The following EPB41L1 variants were observed in gnomAD, a reference collection of about 807,000 sequenced individuals.
EPB41L1 encodes erythrocyte membrane protein band 4.1 like 1, also known as band 4.1-like protein 1.
In EPB41L1, 29 loss-of-function variants were observed where a neutral mutation model predicts 97.8. That is an observed-to-expected ratio of 0.30 (90% CI 0.22 to 0.40). The LOEUF (loss-of-function observed/expected upper bound fraction) is 0.40. EPB41L1 is among the 10% of genes least tolerant of loss of function. EPB41L1 has a pLI of 1.00. For synonymous variants in EPB41L1, 383 were observed against 459.2 expected (o/e 0.83, Z 2.12); for missense variants, 812 against 1,162.3 (o/e 0.70, Z 4.38).
At chr20:36,137,876 A>T (rs2059480402) in intron 2 of EPB41L1, among the ~76,000 whole-genome samples, 1 of 152,006 alleles carries the variant, frequency 6.6e-6, no homozygotes, top group South Asian at 2.1e-4. Flanking sequence ...AATAACTCCC[A>T]TTTCCTCCTC....
chr20:36,170,600 ACCTGAGTACTTTCT>A, intron 1 of EPB41L1, among the ~76,000 whole-genome samples: 1 of 152,284 alleles, frequency 6.6e-6, no homozygotes, highest in East Asian at 1.9e-4. Flanking sequence ...TCTAGCGTGA[ACCTGAGTACTTTCT>A]CCTTTGGGGG....
chr20:36,172,275 C>T (rs999459095), intron 1 of EPB41L1, among the ~76,000 whole-genome samples: 1 of 152,142 alleles, frequency 6.6e-6, no homozygotes, highest in African/African-American at 2.4e-5. Flanking sequence ...GACGGGGTTT[C>T]ACCATGTTGG....
chr20:36,197,640 T>C (rs2062273736), intron 13 of EPB41L1: 1 of 985,236 alleles, frequency 1.0e-6, no homozygotes, highest in African/African-American at 1.7e-5. Flanking sequence ...TCTCCTCTTT[T>C]TCATCTTCAG....
Position 36,190,396 on chromosome 20 carries a change from G to C in EPB41L1, c.1124+22G>C. The C allele has an allele frequency of 6.2e-7, 1 of 1,611,538 alleles. No homozygotes were observed. Among genetic ancestry groups the C allele is most frequent in the Non-Finnish European group, 8.5e-7 (1 of 1,178,274 alleles). On this transcript the variant is annotated intron_variant, in intron 10 of 21. Coordinates refer to ENST00000338074, the MANE Select transcript of EPB41L1 (RefSeq NM_012156.2). This position sits in a 1 kb window ranked among gnomAD's most constrained non-coding sequence, Gnocchi z 5.8. ...TCCGGTGAGCCTGACCTTGGATGGGGTAATGGGGATGGGGCAGAGGCCATG... is the reference window on the plus strand; with the variant it reads ...TCCGGTGAGCCTGACCTTGGATGGGCTAATGGGGATGGGGCAGAGGCCATG...
Position 36,182,351 on chromosome 20 carries a change from A to G in EPB41L1, c.566+4A>G, listed in dbSNP as rs1258298378. The G allele has an allele frequency of 1.2e-6, 2 of 1,613,934 alleles. No individual in the cohort carries two copies. Among genetic ancestry groups the G allele is most frequent in the East Asian group, 2.2e-5 (1 of 44,892 alleles). Reference sequence around the variant, plus strand: ...AGCTGACAGAAGACATCACAAGGTGAGGGCTGTGGAGGGAGAGACAGGTGT... The same window carrying G: ...AGCTGACAGAAGACATCACAAGGTGGGGGCTGTGGAGGGAGAGACAGGTGT... On this transcript the variant is annotated splice_donor_region_variant and intron_variant, in intron 6 of 21. Coordinates refer to ENST00000338074, the MANE Select transcript of EPB41L1 (RefSeq NM_012156.2).
intron 2 of EPB41L1, among the ~76,000 whole-genome samples, chr20:36,116,544 G>A (rs2147634872): frequency 1.3e-5 from 2 of 152,314 alleles, no homozygotes; most frequent in Middle Eastern, 6.8e-3. Context: ...AGCTGTCAGT[G>A]CTTCATTCCC....
At chr20:36,202,797 C>T (rs1243218043) in intron 14 of EPB41L1, among the ~76,000 whole-genome samples, 7 of 114,342 alleles carry the variant, frequency 6.1e-5, no homozygotes, top group Non-Finnish European at 1.7e-5. Context: ...GAAGACAGAG[C>T]AAAACTCCGT....
chr20:36,190,602 C>T lies in EPB41L1; in HGVS notation c.1125-20C>T. On this transcript the variant is annotated intron_variant, in intron 10 of 21. Coordinates refer to ENST00000338074, the MANE Select transcript of EPB41L1 (RefSeq NM_012156.2). This position sits in a 1 kb window ranked among gnomAD's most constrained non-coding sequence, Gnocchi z 5.8. Reference sequence around the variant, plus strand: ...GTGCAGGTCTGATTCCTCCTCCTCCCCTGCATCCCTCTGCTGCAGGCTGGT... The same window carrying T: ...GTGCAGGTCTGATTCCTCCTCCTCCTCTGCATCCCTCTGCTGCAGGCTGGT... 6.2e-7 allele frequency: 1 copy of T among 1,613,782 alleles called. No individual in the cohort carries two copies. The highest frequency in any genetic ancestry group is 8.5e-7 in the Non-Finnish European group (1 of 1,180,008).
chr20:36,198,006 C>G lies in EPB41L1; in HGVS notation c.1633C>G (p.Pro545Ala). The G allele has an allele frequency of 6.2e-7, 1 of 1,613,726 alleles. No individual in the cohort carries two copies. The highest frequency in any genetic ancestry group is 2.2e-5 in the East Asian group (1 of 44,856). The change falls in exon 14 of 22, where the codon CCC (proline) becomes GCC (alanine). Residue 545 changes from proline to alanine, a missense_variant. Pro to Ala is a conservative substitution (Grantham distance 27). Transcript: ENST00000338074. ...ERRLPSSPASPSPKGTPEKAN... is the reference protein window; with the variant it reads ...ERRLPSSPASASPKGTPEKAN... The stretch of plus-strand genomic sequence containing the variant: ...CAGGCTGCCCTCCTCCCCCGCCTCC[C>G]CCTCCCCCAAGGGCACCCCTGAGAA...
At chr20:36,140,997 T>C (rs2590949) in intron 2 of EPB41L1, among the ~76,000 whole-genome samples, 55,782 of 152,072 alleles carry the variant, frequency 0.37, 13,168 homozygotes, top group African/African-American at 0.68. Flanking sequence ...ATGTAGGGCA[T>C]GTGGCCCCAG....
intron 2 of EPB41L1, among the ~76,000 whole-genome samples, chr20:36,134,482 G>A (rs914897002): frequency 2.0e-5 from 3 of 152,198 alleles, no homozygotes; most frequent in Non-Finnish European, 4.4e-5. Flanking sequence ...AGGTACTGTG[G>A]GGCAGGAGAC....
chr20:36,142,730 C>T (rs117116919), intron 2 of EPB41L1, among the ~76,000 whole-genome samples: 1 of 152,172 alleles, frequency 6.6e-6, no homozygotes, highest in Non-Finnish European at 1.5e-5. Flanking sequence ...AGGGGCTTAC[C>T]TGCCCGGGCT....
intron 1 of EPB41L1, among the ~76,000 whole-genome samples, chr20:36,164,399 G>A (rs1171997595): frequency 6.6e-6 from 1 of 152,104 alleles, no homozygotes; most frequent in Non-Finnish European, 1.5e-5. Flanking sequence ...TTCTGCCTGG[G>A]AGTCTCTTGG....
chr20:36,192,596 C>T (rs1378864520), intron 11 of EPB41L1, among the ~76,000 whole-genome samples: 1 of 151,504 alleles, frequency 6.6e-6, no homozygotes, highest in Non-Finnish European at 1.5e-5. Context: ...GTGGATACTC[C>T]CAGAACACCT....
chr20:36,218,422 C>T (rs2063569685), intron 17 of EPB41L1, among the ~76,000 whole-genome samples: 1 of 152,186 alleles, frequency 6.6e-6, no homozygotes, highest in African/African-American at 2.4e-5. Context: ...GTTTGCAAAA[C>T]CTTTTCTACT....
At chr20:36,197,553 T>G in intron 13 of EPB41L1, 1 of 833,946 alleles carries the variant, frequency 1.2e-6, no homozygotes, top group Non-Finnish European at 1.4e-6. Flanking sequence ...CCCAGACCTG[T>G]GGGCTTTGGG....
chr20:36,150,890 C>T (rs1019503881), upstream of EPB41L1: 4 of 152,214 alleles, frequency 2.6e-5, no homozygotes, highest in Non-Finnish European at 5.9e-5. Context: ...AGCATTACTG[C>T]TTGCTGAATG....
intron 1 of EPB41L1, chr20:36,110,727 C>T (rs1037885705): frequency 6.6e-6 from 1 of 152,182 alleles, no homozygotes; most frequent in African/African-American, 2.4e-5. Flanking sequence ...TGAAGACTAT[C>T]CACACATATC....
At chr20:36,166,425 A>G (rs1460863902) in intron 1 of EPB41L1, among the ~76,000 whole-genome samples, 1 of 152,252 alleles carries the variant, frequency 6.6e-6, no homozygotes, top group East Asian at 1.9e-4. Context: ...ATAGCAGACT[A>G]CAAATGATAA....
Sources: gnomAD v4.1 joint callset for allele counts (sites outside exome capture counted in the v4.1 genomes callset) on GRCh38, gnomAD v4.1.1 for gene constraint, Gnocchi (gnomAD v3.1) non-coding constraint, MANE v1.5 for transcripts, NCBI Gene and HGNC (gene_info 2026-07-23, HGNC 2026-07-21) for gene names.